The following NKAIN3 variants were observed in gnomAD, a reference collection of about 807,000 sequenced individuals.
NKAIN3 encodes sodium/potassium-transporting ATPase subunit beta-1-interacting protein 3.
Under a neutral mutation model 30.2 loss-of-function variants are expected in NKAIN3, and 25 were observed. The ratio of observed to expected loss-of-function variants is 0.83; its 90% CI spans 0.60 to 1.16. The LOEUF is 1.16. Ranked by LOEUF, NKAIN3 falls within the 50% of genes most tolerant of loss-of-function variation. The probability of loss-of-function intolerance (pLI) is 0.00; values close to 1 mark genes in which losing one functional copy is unlikely to be tolerated. For missense variants in NKAIN3, 225 were observed against 254.1 expected (o/e 0.89, Z 0.78); for synonymous variants, 91 against 89.6 (o/e 1.02, Z -0.09).
chr8:62,814,739 G>A (rs1398129516), intron 4 of NKAIN3, among the ~76,000 whole-genome samples: 1 of 151,944 alleles, frequency 6.6e-6, no homozygotes, highest in Non-Finnish European at 1.5e-5. Context: ...GCAGTGTGTA[G>A]AGGGAAATTT....
At chr8:62,260,737 G>A (rs879390772) in intron 1 of NKAIN3, among the ~76,000 whole-genome samples, 1 of 152,090 alleles carries the variant, frequency 6.6e-6, no homozygotes. Flanking sequence ...TGAGCCAGTT[G>A]TTAAATACAG....
chr8:62,621,072 T>G (rs1811606805), intron 3 of NKAIN3, among the ~76,000 whole-genome samples: 1 of 152,184 alleles, frequency 6.6e-6, no homozygotes, highest in Non-Finnish European at 1.5e-5. Context: ...CATTTGTGGG[T>G]AAATTAAGAG....
At chr8:62,317,952 T>C (rs1285876818) in intron 1 of NKAIN3, among the ~76,000 whole-genome samples, 1 of 152,214 alleles carries the variant, frequency 6.6e-6, no homozygotes, top group African/African-American at 2.4e-5. Context: ...TTGTATTTCA[T>C]TGAGCAGTGG....
In NKAIN3 at chr8:62,331,118, T is replaced by A. The variant is rs6998896; in HGVS notation, c.54+81991T>A. Among the ~76,000 whole-genome samples, 839 of 151,076 alleles carry A rather than the reference T, an allele frequency of 5.6e-3. 5 individuals are homozygous for A. The highest frequency in any genetic ancestry group is 0.019 in the African/African-American group (795 of 41,170). ...CCATATATATATATGTATATATGTA[T>A]GTATATCCCTTCCTCCCTCCTCTTC... On this transcript the variant is annotated intron_variant, in intron 1 of 6. Transcript: ENST00000623646.
At chr8:62,702,326 A>C (rs1563522848) in intron 3 of NKAIN3, among the ~76,000 whole-genome samples, 1 of 152,218 alleles carries the variant, frequency 6.6e-6, no homozygotes. Flanking sequence ...CCACTCAGAA[A>C]GTATCCAGTT....
At chr8:62,340,773 A>C (rs1815714915) in intron 1 of NKAIN3, among the ~76,000 whole-genome samples, 1 of 151,964 alleles carries the variant, frequency 6.6e-6, no homozygotes, top group African/African-American at 2.4e-5. Flanking sequence ...TAAACTTAGG[A>C]GCATTCTTGC....
chr8:62,301,609 A>G (rs967909741), intron 1 of NKAIN3, among the ~76,000 whole-genome samples: 1 of 152,110 alleles, frequency 6.6e-6, no homozygotes, highest in Non-Finnish European at 1.5e-5. Context: ...AGCCTTCTGA[A>G]CTTAAAATAT....
intron 1 of NKAIN3, among the ~76,000 whole-genome samples, chr8:62,539,587 G>T (rs1398135230): frequency 6.6e-6 from 1 of 152,072 alleles, no homozygotes; most frequent in African/African-American, 2.4e-5. Flanking sequence ...TTGTTTGTTT[G>T]TTTGTTTGTT....
intron 3 of NKAIN3, among the ~76,000 whole-genome samples, chr8:62,703,061 A>G (rs1563523177): frequency 1.3e-5 from 2 of 152,178 alleles, no homozygotes; most frequent in African/African-American, 2.4e-5. Context: ...AATGAGCACT[A>G]TTAGAGTAAT....
At chr8:62,745,671 G>A (rs569491510) in intron 3 of NKAIN3, among the ~76,000 whole-genome samples, 1 of 152,264 alleles carries the variant, frequency 6.6e-6, no homozygotes, top group South Asian at 2.1e-4. Context: ...TCAAAAACCA[G>A]GCTATTTTTT....
intron 1 of NKAIN3, among the ~76,000 whole-genome samples, chr8:62,514,699 C>T (rs555140522): frequency 6.6e-6 from 1 of 152,218 alleles, no homozygotes; most frequent in African/African-American, 2.4e-5. Context: ...TACTCCCCAC[C>T]CTTCCTAGAT....
At chr8:62,718,527 G>A (rs1814980334) in intron 3 of NKAIN3, among the ~76,000 whole-genome samples, 1 of 152,014 alleles carries the variant, frequency 6.6e-6, no homozygotes, top group Non-Finnish European at 1.5e-5. Flanking sequence ...TAATTTATCT[G>A]TGTAAGCACA....
At chr8:62,320,310 T>C (rs1179883086) in intron 1 of NKAIN3, among the ~76,000 whole-genome samples, 2 of 152,196 alleles carry the variant, frequency 1.3e-5, no homozygotes, top group African/African-American at 4.8e-5. Context: ...TGTCATCTGA[T>C]TGGAGCATTT....
chr8:62,576,683 A>G (rs898709855), intron 1 of NKAIN3, among the ~76,000 whole-genome samples: 3 of 152,134 alleles, frequency 2.0e-5, no homozygotes, highest in Non-Finnish European at 4.4e-5. Context: ...TATTCCCATC[A>G]TGGCAGACAT....
intron 6 of NKAIN3, among the ~76,000 whole-genome samples, chr8:62,954,821 G>A (rs1823378022): frequency 6.6e-6 from 1 of 152,154 alleles, no homozygotes; most frequent in Non-Finnish European, 1.5e-5. Flanking sequence ...GAGGTTCATA[G>A]AGGTTAGGCA....
chr8:62,839,955 C>T (rs1190489719), intron 4 of NKAIN3, among the ~76,000 whole-genome samples: 7 of 152,132 alleles, frequency 4.6e-5, no homozygotes, highest in Non-Finnish European at 1.0e-4. Flanking sequence ...ATTCAAGAAT[C>T]ATACATTAGT....
chr8:62,924,360 T>C (rs1020921112), intron 5 of NKAIN3, among the ~76,000 whole-genome samples: 1 of 152,228 alleles, frequency 6.6e-6, no homozygotes, highest in African/African-American at 2.4e-5. Context: ...CTTGGCAACA[T>C]TTAACACAAC....
intron 1 of NKAIN3, among the ~76,000 whole-genome samples, chr8:62,489,224 A>G (rs910893185): frequency 6.8e-6 from 1 of 146,950 alleles, no homozygotes; most frequent in Non-Finnish European, 1.5e-5. Flanking sequence ...ATGGGGTTTC[A>G]CCATGTTAGC....
intron 4 of NKAIN3, among the ~76,000 whole-genome samples, chr8:62,775,936 TC>T (rs949982904): frequency 3.3e-4 from 50 of 152,186 alleles, no homozygotes; most frequent in African/African-American, 1.2e-3. Flanking sequence ...TCTCTCTAGC[TC>T]AAATAATATT....
Sources: gnomAD v4.1 joint callset for allele counts (sites outside exome capture counted in the v4.1 genomes callset) on GRCh38, gnomAD v4.1.1 for gene constraint, MANE v1.5 for transcripts, NCBI Gene and HGNC (gene_info 2026-07-23, HGNC 2026-07-21) for gene names.